The following ADRA1A variants were observed in gnomAD, a reference collection of about 807,000 sequenced individuals.
ADRA1A encodes adrenoceptor alpha 1A.
In ADRA1A, 31 loss-of-function variants were observed where a neutral mutation model predicts 29.6. The ratio of observed to expected loss-of-function variants is 1.05; its 90% CI spans 0.79 to 1.41. ADRA1A has a LOEUF of 1.41. ADRA1A is among the 40% of genes most tolerant of loss of function. The probability of loss-of-function intolerance (pLI) is 0.00; values close to 1 mark genes in which losing one functional copy is unlikely to be tolerated. For synonymous variants in ADRA1A, 311 were observed against 254.3 expected (o/e 1.22, Z -2.12); for missense variants, 619 against 601.1 (o/e 1.03, Z -0.31).
In ADRA1A at chr8:26,859,432, A is replaced by T. The variant is rs114682093; in HGVS notation, c.883+4655T>A. 2.1e-3 allele frequency among the ~76,000 whole-genome samples: 320 copies of T among 152,280 alleles called. 2 individuals are homozygous for T. The highest frequency in any genetic ancestry group is 7.5e-3 in the African/African-American group (312 of 41,562). On this transcript the variant is annotated intron_variant, in intron 2 of 2. Coordinates refer to ENST00000380573, the MANE Select transcript of ADRA1A (RefSeq NM_000680.4). ...ATATTCCTTAGCACACTGTAATAAT[A>T]TCATTCTGAGCACCATCCTGAGCAC...
intron 2 of ADRA1A, among the ~76,000 whole-genome samples, chr8:26,772,355 C>T (rs1168169548): frequency 1.3e-5 from 2 of 152,202 alleles, no homozygotes; most frequent in African/African-American, 4.8e-5. Flanking sequence ...TCCCTCTTCA[C>T]TCCTTTCAGA....
downstream of ADRA1A, among the ~76,000 whole-genome samples, chr8:26,751,597 A>G (rs1804928390): frequency 6.6e-6 from 1 of 152,192 alleles, no homozygotes; most frequent in Admixed American, 6.5e-5. Flanking sequence ...TGTAATGACC[A>G]AAAAAAGGAT....
downstream of ADRA1A, among the ~76,000 whole-genome samples, chr8:26,761,358 T>C (rs1805492994): frequency 1.3e-5 from 2 of 152,330 alleles, no homozygotes; most frequent in South Asian, 4.1e-4. Context: ...GAGGGAGTCC[T>C]TGTGGGCTCA....
chr8:26,865,639 C>G lies in ADRA1A; in HGVS notation c.-670G>C. The G allele has an allele frequency of 1.0e-6, 1 of 986,102 alleles. No individual in the cohort carries two copies. Among genetic ancestry groups the G allele is most frequent in the Non-Finnish European group, 1.2e-6 (1 of 830,556 alleles). 61.1% of individuals were successfully genotyped at this position (986,102 alleles called of 1,614,324 possible). ...TGAGACCCAGGAGGCTGCGGGGCAT[C>G]GTTTGACCGCGTCCACCTGAAAGAG... is the stretch of plus-strand genomic sequence containing the variant. On this transcript the variant is annotated 5_prime_UTR_variant, in exon 2 of 3. Coordinates refer to ENST00000380573, the MANE Select transcript of ADRA1A (RefSeq NM_000680.4). The surrounding 1 kb of genome is among the most constrained non-coding windows in gnomAD (Gnocchi z 7.6).
At chr8:26,859,040 C>T in intron 2 of ADRA1A, 1 of 1,246,248 alleles carries the variant, frequency 8.0e-7, no homozygotes, top group Non-Finnish European at 1.0e-6. Flanking sequence ...ACCTGATTTT[C>T]CTGGGTCAGT....
At chr8:26,856,219 CA>C (rs986339827) in intron 2 of ADRA1A, among the ~76,000 whole-genome samples, 2 of 152,192 alleles carry the variant, frequency 1.3e-5, no homozygotes, top group African/African-American at 4.8e-5. Flanking sequence ...AAGGCAGTGA[CA>C]AAAGAGGCAT....
chr8:26,853,297 A>G (rs1404209155), intron 2 of ADRA1A, among the ~76,000 whole-genome samples: 2 of 152,198 alleles, frequency 1.3e-5, no homozygotes, highest in Admixed American at 1.3e-4. Context: ...TCAATTTTCC[A>G]GGAGATGTTA....
intron 2 of ADRA1A, chr8:26,836,352 G>A (rs1352829928): frequency 1.3e-5 from 2 of 154,452 alleles, no homozygotes; most frequent in Non-Finnish European, 2.9e-5. Flanking sequence ...CTCAGTTAAT[G>A]GAGCTACTGA....
At chr8:26,757,371 G>A (rs1389726131) in intron 2 of ADRA1A, among the ~76,000 whole-genome samples, 2 of 152,128 alleles carry the variant, frequency 1.3e-5, no homozygotes, top group Non-Finnish European at 2.9e-5. Context: ...TGCCTAGAAG[G>A]CTGCTGGAGA....
chr8:26,864,998 G>A lies in ADRA1A; in HGVS notation c.-29C>T. Reference sequence around the variant, plus strand: ...CCCAGCCGGGGCCGGGCGAGGTCCGGCTGTCCAGGGCCACCTCCCGGGCTG... The same window carrying A: ...CCCAGCCGGGGCCGGGCGAGGTCCGACTGTCCAGGGCCACCTCCCGGGCTG... On this transcript the variant is annotated 5_prime_UTR_variant, in exon 2 of 3. Coordinates refer to ENST00000380573, the MANE Select transcript of ADRA1A (RefSeq NM_000680.4). The surrounding 1 kb of genome is among the most constrained non-coding windows in gnomAD (Gnocchi z 8.1). The A allele has an allele frequency of 1.9e-6, 3 of 1,556,736 alleles. No homozygotes were observed. The highest frequency in any genetic ancestry group is 2.6e-6 in the Non-Finnish European group (3 of 1,157,060).
intron 2 of ADRA1A, among the ~76,000 whole-genome samples, chr8:26,816,614 C>A (rs1336937698): frequency 1.3e-5 from 2 of 152,090 alleles, no homozygotes; most frequent in African/African-American, 4.8e-5. Flanking sequence ...GCCTAACACA[C>A]TGAGGCAGCC....
chr8:26,768,957 T>G lies in ADRA1A; in HGVS notation c.*1192A>C. The stretch of plus-strand genomic sequence containing the variant: ...GAACAAATGGCCTTCTATCAAAAAA[T>G]GTTTGCAAACTCCTGCGTTAGACAG... On this transcript the variant is annotated 3_prime_UTR_variant, in exon 3 of 3. Coordinates refer to ENST00000380573, the MANE Select transcript of ADRA1A (RefSeq NM_000680.4). 1 of 985,454 alleles carries G rather than the reference T, an allele frequency of 1.0e-6. No homozygotes were observed. The highest frequency in any genetic ancestry group is 1.2e-6 in the Non-Finnish European group (1 of 829,926). 61.0% of individuals were successfully genotyped at this position (985,454 alleles called of 1,614,324 possible).
chr8:26,797,584 C>T (rs1247537890), intron 2 of ADRA1A, among the ~76,000 whole-genome samples: 1 of 152,126 alleles, frequency 6.6e-6, no homozygotes, highest in Non-Finnish European at 1.5e-5. Flanking sequence ...CAGGTGTGAG[C>T]CATCATGCCT....
At chr8:26,782,110 A>G (rs1220868354) in intron 2 of ADRA1A, among the ~76,000 whole-genome samples, 1 of 152,186 alleles carries the variant, frequency 6.6e-6, no homozygotes, top group East Asian at 1.9e-4. Context: ...AAGCAGGAAT[A>G]TGAATAAACC....
intron 2 of ADRA1A, among the ~76,000 whole-genome samples, chr8:26,759,860 CAGAA>C (rs1218357006): frequency 1.3e-5 from 2 of 152,304 alleles, no homozygotes; most frequent in East Asian, 3.9e-4. Context: ...CTTGAAAAGA[CAGAA>C]TACTTTTGTA....
chr8:26,778,878 G>T (rs901116750), intron 2 of ADRA1A, among the ~76,000 whole-genome samples: 1 of 151,648 alleles, frequency 6.6e-6, no homozygotes, highest in Non-Finnish European at 1.5e-5. Flanking sequence ...CACCAACATG[G>T]CACATGTATA....
At chr8:26,765,923 A>G (rs1189506135), downstream of ADRA1A, 57 of 1,473,746 alleles carry the variant, frequency 3.9e-5, 1 homozygote, top group Non-Finnish European at 1.8e-6. Flanking sequence ...TAACCATGAA[A>G]CCTACTGGGC....
rs1296171973 is a variant in ADRA1A, at chr8:26,823,488, G to T, written c.883+40599C>A. 1.2e-4 allele frequency among the ~76,000 whole-genome samples: 18 copies of T among 152,146 alleles called. No homozygotes were observed. On this transcript the variant is annotated intron_variant, in intron 2 of 2. Coordinates refer to ENST00000380573, the MANE Select transcript of ADRA1A (RefSeq NM_000680.4). The surrounding 1 kb of genome is among the most constrained non-coding windows in gnomAD (Gnocchi z 4.2). ...GGTGTTTCATTGACAGGTAATTATT[G>T]TTCTCTCATAAAAACTGAATTCTAT...
intron 2 of ADRA1A, chr8:26,771,993 A>AGACCTGC (rs1326895403): frequency 1.3e-5 from 2 of 153,014 alleles, no homozygotes; most frequent in Non-Finnish European, 2.9e-5. Context: ...CGGGGTGGGA[A>AGACCTGC]GACCTGCTCA....
Sources: allele counts gnomAD v4.1 joint callset (sites outside exome capture counted in the v4.1 genomes callset), GRCh38; gene constraint gnomAD v4.1.1; non-coding constraint Gnocchi (gnomAD v3.1); transcripts MANE v1.5; gene names NCBI Gene and HGNC (gene_info 2026-07-23, HGNC 2026-07-21).